The following RPS6KA2 variants were observed in gnomAD, a reference collection of about 807,000 sequenced individuals.
RPS6KA2 encodes ribosomal protein S6 kinase alpha-2.
Under a neutral mutation model 91.8 loss-of-function variants are expected in RPS6KA2, and 42 were observed. That is an observed-to-expected ratio of 0.46 (90% CI 0.36 to 0.59). RPS6KA2 has a LOEUF of 0.59. Among genes scored for constraint, RPS6KA2 ranks in the 20% least tolerant of loss-of-function variants. The pLI, the probability that RPS6KA2 is intolerant of heterozygous loss-of-function variation, is 0.00. For synonymous variants in RPS6KA2, 414 were observed against 393.6 expected (o/e 1.05, Z -0.61); for missense variants, 798 against 978.5 (o/e 0.82, Z 2.46).
At chr6:166,818,996 T>C (rs6929880) in intron 2 of RPS6KA2, among the ~76,000 whole-genome samples, 1 of 151,642 alleles carries the variant, frequency 6.6e-6, no homozygotes, top group Non-Finnish European at 1.5e-5. Context: ...TCAGGATGCA[T>C]GTTTTCTTAT....
intron 2 of RPS6KA2, among the ~76,000 whole-genome samples, chr6:166,840,268 C>G (rs955036724): frequency 6.6e-6 from 1 of 152,098 alleles, no homozygotes; most frequent in Non-Finnish European, 1.5e-5. Flanking sequence ...ATCCACTGGA[C>G]CAGAACCTGA....
At chr6:166,862,571 C>A (rs1010197152), upstream of RPS6KA2, 8 of 251,596 alleles carry the variant, frequency 3.2e-5, no homozygotes, top group Non-Finnish European at 4.7e-5. Flanking sequence ...GCCTCTCCCC[C>A]CTCCCTTCCC....
At position 166,594,684 on chromosome 6, in the gene RPS6KA2, G is replaced by A. The variant is rs371834379; in HGVS notation, c.99+32237C>T. Among the ~76,000 whole-genome samples, 410 of 152,230 alleles carry A rather than the reference G, an allele frequency of 2.7e-3. 1 individual carries two copies. The highest frequency in any genetic ancestry group is 6.0e-3 in the Admixed American group (91 of 15,290). ...TCACTGTGTTAGCCAGGATGGTCTCGATCTCCTGACCTCGTGATCCGCCCG... is the reference window on the plus strand; with the variant it reads ...TCACTGTGTTAGCCAGGATGGTCTCAATCTCCTGACCTCGTGATCCGCCCG... On this transcript the variant is annotated intron_variant, in intron 1 of 20. Coordinates refer to ENST00000265678, the MANE Select transcript of RPS6KA2 (RefSeq NM_021135.6).
At chr6:166,527,337 C>A (rs1293887561) in intron 3 of RPS6KA2, among the ~76,000 whole-genome samples, 1 of 152,162 alleles carries the variant, frequency 6.6e-6, no homozygotes, top group Non-Finnish European at 1.5e-5. Flanking sequence ...ACTCCTGGTG[C>A]CCTGGAGAGG....
chr6:166,844,787 C>T (rs1780567368), intron 2 of RPS6KA2, among the ~76,000 whole-genome samples: 1 of 152,092 alleles, frequency 6.6e-6, no homozygotes, highest in Non-Finnish European at 1.5e-5. Flanking sequence ...AATCTTGAAA[C>T]AAATCCTCTA....
In RPS6KA2 at chr6:166,440,927, G is replaced by A. The variant is rs541685382; in HGVS notation, c.1332+7797C>T. Among the ~76,000 whole-genome samples, 23 of 152,352 alleles carry A rather than the reference G, an allele frequency of 1.5e-4. No homozygotes were observed. The South Asian group carries it at 4.8e-3, about 32-fold the overall frequency. On this transcript the variant is annotated intron_variant, in intron 14 of 20. Coordinates refer to ENST00000265678, the MANE Select transcript of RPS6KA2 (RefSeq NM_021135.6). Reference sequence around the variant, plus strand: ...TCATCCAGAAAGGCAGCTTCCCAGTGTGTGTTTCGAGGAGATACAAATGCC... The same window carrying A: ...TCATCCAGAAAGGCAGCTTCCCAGTATGTGTTTCGAGGAGATACAAATGCC...
intron 6 of RPS6KA2, among the ~76,000 whole-genome samples, chr6:166,501,493 C>T (rs943708446): frequency 8.5e-5 from 13 of 152,210 alleles, no homozygotes; most frequent in Admixed American, 2.6e-4. Context: ...GACCTGCTCC[C>T]GGCTTGGCAC....
chr6:166,736,852 T>C (rs1185316092), intron 2 of RPS6KA2, among the ~76,000 whole-genome samples: 5 of 152,092 alleles, frequency 3.3e-5, no homozygotes, highest in Admixed American at 1.3e-4. Context: ...CTTCCAGTTG[T>C]AAAGTTCATG....
intron 1 of RPS6KA2, among the ~76,000 whole-genome samples, chr6:166,546,091 C>T (rs1171874867): frequency 3.3e-5 from 5 of 152,116 alleles, no homozygotes; most frequent in Admixed American, 6.5e-5. Context: ...CTCCGTGACC[C>T]CTTCCACTTC....
chr6:166,782,078 G>A lies in RPS6KA2; in HGVS notation c.123+76122C>T, dbSNP rs947023719. Among the ~76,000 whole-genome samples the A allele has an allele frequency of 3.3e-5, 5 of 152,292 alleles. No individual in the cohort carries two copies. The East Asian group carries it at 9.6e-4, about 29-fold the overall frequency. On this transcript the variant is annotated intron_variant, in intron 2 of 21. Transcript: ENST00000503859. Reference sequence around the variant, plus strand: ...GCCAAGGTTGGCGGATCATCTTGAGGTCAGGAGTTTGAGACCAGCCTGGCT... The same window carrying A: ...GCCAAGGTTGGCGGATCATCTTGAGATCAGGAGTTTGAGACCAGCCTGGCT...
chr6:166,855,448 GAGGAAGAA>G (rs1193917509), intron 2 of RPS6KA2, among the ~76,000 whole-genome samples: 3,160 of 66,144 alleles, frequency 0.048, 238 homozygotes, highest in East Asian at 0.36. Flanking sequence ...GGAAGAAGAA[GAGGAAGAA>G]GAAGAGGAAG....
intron 2 of RPS6KA2, among the ~76,000 whole-genome samples, chr6:166,805,415 C>T (rs1055756529): frequency 1.3e-5 from 2 of 152,140 alleles, no homozygotes; most frequent in Admixed American, 6.6e-5. Context: ...TTTAAAGAAT[C>T]GGCACATTTT....
At chr6:166,843,274 G>C (rs574418859) in intron 2 of RPS6KA2, among the ~76,000 whole-genome samples, 3 of 152,194 alleles carry the variant, frequency 2.0e-5, no homozygotes, top group African/African-American at 7.2e-5. Flanking sequence ...GTCCCACCTG[G>C]GGGTCTTTCT....
chr6:166,581,557 G>A lies in RPS6KA2; in HGVS notation c.100-42773C>T, dbSNP rs993299784. Among the ~76,000 whole-genome samples, 8 of 151,998 alleles carry A rather than the reference G, an allele frequency of 5.3e-5. No individual in the cohort carries two copies. The South Asian group carries it at 6.2e-4, about 12-fold the overall frequency. ...GGCATGGCAGCCTGTTGAGGCCACC[G>A]AGAGGCCGGCTTCGAGTATGCGGGG... On this transcript the variant is annotated intron_variant, in intron 1 of 20. Coordinates refer to ENST00000265678, the MANE Select transcript of RPS6KA2 (RefSeq NM_021135.6).
chr6:166,719,751 C>T (rs557902544), intron 2 of RPS6KA2, among the ~76,000 whole-genome samples: 8 of 152,282 alleles, frequency 5.3e-5, no homozygotes, highest in South Asian at 4.1e-4. Flanking sequence ...GACTGAAAGC[C>T]GACTACTTTC....
intron 2 of RPS6KA2, among the ~76,000 whole-genome samples, chr6:166,750,048 G>T (rs961742495): frequency 1.3e-5 from 2 of 152,116 alleles, no homozygotes; most frequent in African/African-American, 4.8e-5. Flanking sequence ...GGAGGGGCAG[G>T]GAGGAGGGGG....
intron 2 of RPS6KA2, among the ~76,000 whole-genome samples, chr6:166,766,037 A>G (rs951451777): frequency 3.3e-5 from 5 of 152,246 alleles, no homozygotes; most frequent in East Asian, 1.9e-4. Context: ...GTGAATTACA[A>G]ATTCCAAACA....
intron 1 of RPS6KA2, among the ~76,000 whole-genome samples, chr6:166,548,181 C>T (rs570869839): frequency 1.3e-3 from 202 of 152,184 alleles, no homozygotes; most frequent in Non-Finnish European, 2.2e-3. Flanking sequence ...TCAAAAATTA[C>T]GGAACATATT....
At position 166,635,051 on chromosome 6, in the gene RPS6KA2, A is replaced by G. The variant is rs1475633468; in HGVS notation, c.124-96267T>C. On this transcript the variant is annotated intron_variant, in intron 2 of 21. Coordinates refer to the RPS6KA2 transcript ENST00000503859. The surrounding 1 kb of genome is among the most constrained non-coding windows in gnomAD (Gnocchi z 4.8). ...ATGAGACCATAATTTTTAAATTATA[A>G]TAATTTTAAAAAGACTTGTGATAAC... 6.6e-6 allele frequency among the ~76,000 whole-genome samples: 1 copy of G among 152,256 alleles called. No homozygotes were observed. The highest frequency in any genetic ancestry group is 1.5e-5 in the Non-Finnish European group (1 of 68,048).
Sources: gnomAD v4.1 joint callset for allele counts (sites outside exome capture counted in the v4.1 genomes callset) on GRCh38, gnomAD v4.1.1 for gene constraint, Gnocchi (gnomAD v3.1) non-coding constraint, MANE v1.5 for transcripts, NCBI Gene and HGNC (gene_info 2026-07-23, HGNC 2026-07-21) for gene names.